The following TESK2 variants were observed in gnomAD, a reference collection of about 807,000 sequenced individuals.
The protein encoded by TESK2 is dual specificity testis-specific protein kinase 2.
In TESK2, 39 loss-of-function variants were observed where a neutral mutation model predicts 57.1. That is an observed-to-expected ratio of 0.68 (90% confidence interval 0.53 to 0.89). The LOEUF (loss-of-function observed/expected upper bound fraction) is 0.89. Ranked by LOEUF, TESK2 falls within the 40% of genes least tolerant of loss-of-function variation. TESK2 has a pLI of 0.00. For synonymous variants in TESK2, 249 were observed against 267.9 expected (o/e 0.93, Z 0.69); for missense variants, 646 against 732.1 (o/e 0.88, Z 1.36).
intron 3 of TESK2, chr1:45,413,991 G>C: frequency 9.0e-6 from 3 of 333,096 alleles, no homozygotes; most frequent in South Asian, 2.4e-5. Flanking sequence ...CAACCAGAAA[G>C]CATTTAGAAA....
intron 1 of TESK2, among the ~76,000 whole-genome samples, chr1:45,483,790 G>C (rs1474787437): frequency 6.7e-6 from 1 of 150,096 alleles, no homozygotes; most frequent in Non-Finnish European, 1.5e-5. Context: ...TGATGCCCAG[G>C]AGTTTGAGAC....
chr1:45,392,839 G>A (rs375282105), intron 3 of TESK2, among the ~76,000 whole-genome samples: 85 of 152,142 alleles, frequency 5.6e-4, no homozygotes, highest in Non-Finnish European at 9.3e-4. Flanking sequence ...CACTATGCCG[G>A]GCCAAGGCTT....
intron 2 of TESK2, among the ~76,000 whole-genome samples, chr1:45,454,283 G>A (rs1651985651): frequency 6.6e-6 from 1 of 152,048 alleles, no homozygotes; most frequent in African/African-American, 2.4e-5. Flanking sequence ...GTTGTTTAAT[G>A]GGTACAGAGT....
intron 2 of TESK2, among the ~76,000 whole-genome samples, chr1:45,433,657 T>C (rs549617158): frequency 6.6e-6 from 1 of 152,354 alleles, no homozygotes; most frequent in South Asian, 2.1e-4. Flanking sequence ...TTTTTATATA[T>C]ACCACATTTT....
chr1:45,418,521 C>G (rs973914369), intron 3 of TESK2, among the ~76,000 whole-genome samples: 1 of 152,136 alleles, frequency 6.6e-6, no homozygotes, highest in Non-Finnish European at 1.5e-5. Flanking sequence ...CAATACTATC[C>G]TATCAAATCC....
intron 1 of TESK2, among the ~76,000 whole-genome samples, chr1:45,487,232 T>C (rs1281501143): frequency 6.6e-6 from 1 of 152,194 alleles, no homozygotes; most frequent in East Asian, 1.9e-4. Flanking sequence ...TAAGAGAGAA[T>C]AACACATCAT....
chr1:45,368,180 G>C (rs868804691), intron 4 of TESK2, among the ~76,000 whole-genome samples: 2 of 143,318 alleles, frequency 1.4e-5, no homozygotes, highest in African/African-American at 2.6e-5. Context: ...ATATTTAATA[G>C]AGATGGGTTT....
At chr1:45,365,083 G>A (rs1327227659) in intron 4 of TESK2, among the ~76,000 whole-genome samples, 2 of 152,146 alleles carry the variant, frequency 1.3e-5, no homozygotes, top group Non-Finnish European at 2.9e-5. Context: ...AAGGCTAGCC[G>A]ACATCCCATC....
intron 1 of TESK2, among the ~76,000 whole-genome samples, chr1:45,472,797 C>T (rs920571715): frequency 2.0e-5 from 3 of 151,814 alleles, no homozygotes. Flanking sequence ...TTGGAGACAC[C>T]ATACTGGAGC....
intron 4 of TESK2, chr1:45,385,412 A>G (rs1056670898): frequency 2.2e-6 from 2 of 893,362 alleles, no homozygotes; most frequent in African/African-American, 1.8e-5. Flanking sequence ...GATTCCAACA[A>G]GTAATAAGAC....
chr1:45,395,413 G>C (rs1649316340), intron 3 of TESK2, among the ~76,000 whole-genome samples: 1 of 152,008 alleles, frequency 6.6e-6, no homozygotes, highest in South Asian at 2.1e-4. Context: ...ACATAGAAAA[G>C]GTACAGTAAA....
chr1:45,458,720 T>A (rs1224402325), intron 1 of TESK2, among the ~76,000 whole-genome samples: 1 of 151,722 alleles, frequency 6.6e-6, no homozygotes, highest in East Asian at 1.9e-4. Flanking sequence ...ACTTCAAAAT[T>A]ATATATTATA....
At chr1:45,439,638 A>C (rs1651359823) in intron 2 of TESK2, among the ~76,000 whole-genome samples, 1 of 152,182 alleles carries the variant, frequency 6.6e-6, no homozygotes, top group Non-Finnish European at 1.5e-5. Flanking sequence ...TCAAGGTCAG[A>C]AAGTTTGTAA....
chr1:45,463,111 C>T (rs1652401286), intron 1 of TESK2, among the ~76,000 whole-genome samples: 1 of 152,110 alleles, frequency 6.6e-6, no homozygotes, highest in Non-Finnish European at 1.5e-5. Flanking sequence ...GTTGTCTGAA[C>T]TCCTTATATT....
chr1:45,442,243 T>A (rs1651474720), intron 2 of TESK2, among the ~76,000 whole-genome samples: 1 of 152,154 alleles, frequency 6.6e-6, no homozygotes, highest in Non-Finnish European at 1.5e-5. Flanking sequence ...GCCAAAATTG[T>A]TCATTTTTAA....
intron 1 of TESK2, among the ~76,000 whole-genome samples, chr1:45,475,395 C>T (rs553040093): frequency 6.6e-6 from 1 of 151,880 alleles, no homozygotes; most frequent in South Asian, 2.1e-4. Flanking sequence ...TTAGTGGAGA[C>T]GGGTTTTCAT....
chr1:45,385,831 T>A (rs1169243418), intron 4 of TESK2, 81 bp downstream of exon 4: 1 of 1,009,728 alleles, frequency 9.9e-7, no homozygotes, highest in Non-Finnish European at 1.5e-6. Context: ...TTTGTTTACA[T>A]ATGCAAGCAA....
At chr1:45,433,523 A>G (rs1002273085) in intron 2 of TESK2, among the ~76,000 whole-genome samples, 4 of 152,328 alleles carry the variant, frequency 2.6e-5, no homozygotes, top group African/African-American at 9.6e-5. Context: ...CATATAAGTG[A>G]GAACTTGCAA....
chr1:45,429,406 T>TA (rs1220221469), intron 2 of TESK2, among the ~76,000 whole-genome samples: 2 of 151,386 alleles, frequency 1.3e-5, no homozygotes, highest in African/African-American at 2.4e-5. Flanking sequence ...AAAAACAGAT[T>TA]AAAAAAAAAT....
Sources: allele counts gnomAD v4.1 joint callset (sites outside exome capture counted in the v4.1 genomes callset), GRCh38; gene constraint gnomAD v4.1.1; transcripts MANE v1.5; gene names NCBI Gene and HGNC (gene_info 2026-07-23, HGNC 2026-07-21).